SNED1: variants seen among roughly 807,000 people sequenced by gnomAD.
The protein encoded by SNED1 is sushi, nidogen and EGF-like domain-containing protein 1.
In SNED1, 81 loss-of-function variants were observed where a neutral mutation model predicts 166.7. The observed-to-expected ratio is 0.49, with a 90% CI of 0.41 to 0.58. The LOEUF (loss-of-function observed/expected upper bound fraction) is 0.58. Among genes scored for constraint, SNED1 ranks in the 20% least tolerant of loss-of-function variants. SNED1 has a pLI of 0.00. For synonymous variants in SNED1, 762 were observed against 822.0 expected (o/e 0.93, Z 1.25); for missense variants, 1,604 against 2,000.2 (o/e 0.80, Z 3.78).
chr2:241,056,493 T>A (rs1331480198), intron 16 of SNED1, among the ~76,000 whole-genome samples: 1 of 145,996 alleles, frequency 6.8e-6, no homozygotes, highest in Admixed American at 6.8e-5. Flanking sequence ...ACCATAGAAC[T>A]CAAAGACAGG....
At chr2:241,080,530 A>G (rs894866825) in intron 27 of SNED1, among the ~76,000 whole-genome samples, 3 of 152,218 alleles carry the variant, frequency 2.0e-5, no homozygotes, top group Admixed American at 6.5e-5. Context: ...AGACTGAAGC[A>G]GGATGTGGAC....
chr2:241,080,766 T>G (rs2063289419), intron 27 of SNED1, among the ~76,000 whole-genome samples: 1 of 152,194 alleles, frequency 6.6e-6, no homozygotes, highest in African/African-American at 2.4e-5. Context: ...GTGGGCAACT[T>G]TGGAGCTTGC....
At chr2:241,079,550 A>G (rs1382668725) in intron 27 of SNED1, among the ~76,000 whole-genome samples, 1 of 152,094 alleles carries the variant, frequency 6.6e-6, no homozygotes, top group South Asian at 2.1e-4. Flanking sequence ...TCACTAAATG[A>G]GGAGGGAAAG....
intron 30 of SNED1, 177 bp from the exon 31 acceptor site, chr2:241,088,188 C>A (rs1007709186): frequency 8.3e-6 from 5 of 599,510 alleles, no homozygotes; most frequent in Non-Finnish European, 1.2e-5. Context: ...GCCAGGCGGG[C>A]GCACACAAAC....
chr2:241,029,565 A>C (rs1210757744), intron 1 of SNED1, among the ~76,000 whole-genome samples: 1 of 152,224 alleles, frequency 6.6e-6, no homozygotes, highest in Non-Finnish European at 1.5e-5. Flanking sequence ...CATTCCAACC[A>C]TAGCCCCCTG....
rs772829170 is a variant in SNED1, at chr2:241,070,099, G to A, written c.3487G>A (p.Asp1163Asn). 39 of 1,612,894 alleles carry A rather than the reference G, an allele frequency of 2.4e-5. No homozygotes were observed. The highest frequency in any genetic ancestry group is 3.1e-5 in the Non-Finnish European group (37 of 1,179,884). ...GAAGCTGGCGTCCTACACGGTGCGC[G>A]ACCTGCTGCCGGGACGGCGGTACCA... is the stretch of plus-strand genomic sequence containing the variant. The part of the protein sequence containing the change: ...NGKLASYTVR[D>N]LLPGRRYQLS... The change falls in exon 24 of 32, where the codon GAC becomes AAC. Residue 1163 changes from aspartate (D) to asparagine (N), a missense_variant. This residue lies in a region of SNED1 where 367 missense variants were observed against 379.4 expected (regional missense o/e 0.97). Coordinates refer to ENST00000310397, the MANE Select transcript of SNED1 (RefSeq NM_001080437.3).
At chr2:241,011,057 T>A (rs1226514298) in intron 1 of SNED1, among the ~76,000 whole-genome samples, 1 of 151,796 alleles carries the variant, frequency 6.6e-6, no homozygotes, top group African/African-American at 2.4e-5. Flanking sequence ...CCTCCCTGCC[T>A]GGGGGTGGCA....
At chr2:241,049,266 G>A in intron 11 of SNED1, 131 bp downstream of exon 11, 2 of 666,632 alleles carry the variant, frequency 3.0e-6, no homozygotes, top group East Asian at 2.7e-5. Flanking sequence ...GGCACCTGGG[G>A]AAGCCTCTCT....
At chr2:241,049,263 G>A in intron 11 of SNED1, 128 bp downstream of exon 11, 3 of 673,936 alleles carry the variant, frequency 4.5e-6, no homozygotes, top group South Asian at 3.6e-5. Flanking sequence ...GCTGGCACCT[G>A]GGGAAGCCTC....
intron 29 of SNED1, among the ~76,000 whole-genome samples, chr2:241,083,787 T>C (rs1048237057): frequency 2.0e-5 from 3 of 152,180 alleles, no homozygotes; most frequent in African/African-American, 7.2e-5. Flanking sequence ...GTATTTAACA[T>C]AGAGGTGGGT....
In SNED1 at chr2:241,069,451, C is replaced by T. The variant is rs937618595; in HGVS notation, c.3307+428C>T. Reference sequence around the variant, plus strand: ...GAGGGGTGACAGCATGGACAGTCAGCGCGCAGGGGAGGGACAGGTGAACTG... The same window carrying T: ...GAGGGGTGACAGCATGGACAGTCAGTGCGCAGGGGAGGGACAGGTGAACTG... On this transcript the variant is annotated intron_variant, in intron 23 of 31. Transcript: ENST00000310397. The surrounding 1 kb of genome is among the most constrained non-coding windows in gnomAD (Gnocchi z 4.9). Among the ~76,000 whole-genome samples the T allele has an allele frequency of 3.9e-5, 6 of 152,150 alleles. No individual in the cohort carries two copies. The highest frequency in any genetic ancestry group is 4.8e-5 in the African/African-American group (2 of 41,438).
At position 241,052,692 on chromosome 2, in the gene SNED1, G is replaced by GCCCAAGCA. The variant is rs2061898624; in HGVS notation, c.2083+224_2083+225insCCCAAGCA. 2.9e-4 allele frequency among the ~76,000 whole-genome samples: 6 copies of GCCCAAGCA among 20,450 alleles called. 2 individuals carry two copies. The highest frequency in any genetic ancestry group is 2.2e-3 in the African/African-American group (6 of 2,702). 13.4% of individuals were successfully genotyped at this position (20,450 alleles called of 152,430 possible). On this transcript the variant is annotated intron_variant, in intron 15 of 31. Coordinates refer to ENST00000310397, the MANE Select transcript of SNED1 (RefSeq NM_001080437.3). Reference sequence around the variant, plus strand: ...TGCCAGGCAGGTGAGAGGGTCGGCGGGGGGGGGGGGGGTCAAGCAGGGTAC... The same window carrying GCCCAAGCA: ...TGCCAGGCAGGTGAGAGGGTCGGCGGCCCAAGCAGGGGGGGGGGGGTCAAGCAGGGTAC...
intron 31 of SNED1, chr2:241,090,151 G>C: frequency 6.8e-7 from 1 of 1,463,836 alleles, no homozygotes; most frequent in Non-Finnish European, 9.1e-7. Flanking sequence ...CAAACACACT[G>C]TACGGATGTT....
intron 16 of SNED1, among the ~76,000 whole-genome samples, chr2:241,060,776 C>A (rs756730670): frequency 1.3e-5 from 2 of 151,948 alleles, no homozygotes; most frequent in Non-Finnish European, 2.9e-5. Flanking sequence ...CAAAAATAAA[C>A]TAAAATTAAC....
Position 241,068,965 on chromosome 2 carries a change from C to T in SNED1, c.3249C>T (p.Leu1083=). Residue 1083 remains leucine (L), a synonymous_variant, in exon 23 of 32, where the codon CTC becomes CTT. Transcript: ENST00000310397. This position sits in a 1 kb window ranked among gnomAD's most constrained non-coding sequence, Gnocchi z 5.3. ...YTIQLTTLSG[L]RGEEHPTESL... ...TCCAGCTGACCACCCTCAGTGGGCT[C>T]AGGGGAGAGGAGCACCCCACAGAGA... is the stretch of plus-strand genomic sequence containing the variant. 1 of 1,557,184 alleles carries T rather than the reference C, an allele frequency of 6.4e-7. No individual in the cohort carries two copies. The highest frequency in any genetic ancestry group is 1.2e-5 in the South Asian group (1 of 84,370).
intron 25 of SNED1, 27 bp from the exon 26 acceptor site, chr2:241,071,769 G>A: frequency 6.4e-7 from 1 of 1,570,744 alleles, no homozygotes; most frequent in Non-Finnish European, 8.6e-7. Context: ...CGCTCGGACT[G>A]TGGTGACCCT....
At chr2:241,015,012 G>A (rs936684012) in intron 1 of SNED1, among the ~76,000 whole-genome samples, 10 of 152,216 alleles carry the variant, frequency 6.6e-5, no homozygotes, top group African/African-American at 2.2e-4. Context: ...GCTAACTGTG[G>A]CCTGACGAGA....
chr2:241,069,246 G>C lies in SNED1; in HGVS notation c.3307+223G>C, dbSNP rs554460984. On this transcript the variant is annotated intron_variant, in intron 23 of 31. Transcript: ENST00000310397. This position sits in a 1 kb window ranked among gnomAD's most constrained non-coding sequence, Gnocchi z 4.9. ...TCCAGGGCAGTCTCCATCTCTAAAG[G>C]CTCCTGGTAGCTCCTCAGCATGGAG... 6.6e-6 allele frequency among the ~76,000 whole-genome samples: 1 copy of C among 152,284 alleles called. No homozygotes were observed. Among genetic ancestry groups the C allele is most frequent in the East Asian group, 1.9e-4 (1 of 5,180 alleles).
chr2:241,042,350 C>T (rs1233228368), intron 8 of SNED1, among the ~76,000 whole-genome samples: 1 of 152,104 alleles, frequency 6.6e-6, no homozygotes. Flanking sequence ...AGACTAATGT[C>T]GACCTGCCCT....
Sources: gnomAD v4.1 joint callset for allele counts (sites outside exome capture counted in the v4.1 genomes callset) on GRCh38, gnomAD v4.1.1 for gene constraint, gnomAD v4.1.1 regional missense constraint, Gnocchi (gnomAD v3.1) non-coding constraint, MANE v1.5 for transcripts, NCBI Gene and HGNC (gene_info 2026-07-23, HGNC 2026-07-21) for gene names.